The following CKAP2L variants were observed in gnomAD, a reference collection of about 807,000 sequenced individuals.
CKAP2L encodes cytoskeleton-associated protein 2-like.
Under a neutral mutation model 65.7 loss-of-function variants are expected in CKAP2L, and 42 were observed. The observed-to-expected ratio is 0.64, with a 90% CI of 0.50 to 0.83. The LOEUF is 0.83. Ranked by LOEUF, CKAP2L falls within the 40% of genes least tolerant of loss-of-function variation. The pLI, the probability that CKAP2L is intolerant of heterozygous loss-of-function variation, is 0.00. For synonymous variants in CKAP2L, 325 were observed against 313.5 expected, an observed-to-expected ratio of 1.04 and a Z score of -0.39; for missense variants, 908 against 871.0, an observed-to-expected ratio of 1.04 and a Z score of -0.53.
chr2:112,748,483 C>T (rs1170555993), intron 5 of CKAP2L, among the ~76,000 whole-genome samples: 2 of 152,140 alleles, frequency 1.3e-5, no homozygotes, highest in African/African-American at 4.8e-5. Flanking sequence ...CACAAGAATA[C>T]AGACTCAAAA....
intron 1 of CKAP2L, 65 bp downstream of exon 1, chr2:112,764,497 T>C (rs1680839059): frequency 1.3e-6 from 2 of 1,554,906 alleles, no homozygotes; most frequent in East Asian, 4.5e-5. Flanking sequence ...ACTCACTCGG[T>C]GGCCTCCTAC....
intron 4 of CKAP2L, among the ~76,000 whole-genome samples, chr2:112,753,807 C>T (rs976422011): frequency 2.0e-5 from 3 of 152,150 alleles, no homozygotes; most frequent in Non-Finnish European, 2.9e-5. Context: ...GGATTACAGG[C>T]GTGAACCATT....
rs1298095499 is a variant in CKAP2L, at chr2:112,756,534, G to C, written c.837C>G (p.Pro279=). 3 of 1,609,226 alleles carry C rather than the reference G, an allele frequency of 1.9e-6. No homozygotes were observed. In the Admixed American group the frequency reaches 5.1e-5, roughly 27 times the overall value. ...TACTAAGGGTCCGAATAAAGTGAGA[G>C]GGAACCGTCCTTGAGGGTTTTACTC... ...RPGVKPSRTV[P]SHFIRTLSKV... is the part of the protein sequence containing the mutation. Residue 279 remains proline (P), a synonymous_variant, in exon 4 of 9, where the codon CCC becomes CCG. Coordinates refer to ENST00000302450, the MANE Select transcript of CKAP2L (RefSeq NM_152515.5).
intron 5 of CKAP2L, among the ~76,000 whole-genome samples, chr2:112,750,548 A>T (rs1253780133): frequency 6.6e-6 from 1 of 152,098 alleles, no homozygotes; most frequent in African/African-American, 2.4e-5. Context: ...TGATCCTACA[A>T]CTTCACTCCC....
intron 5 of CKAP2L, among the ~76,000 whole-genome samples, chr2:112,749,980 A>G (rs935056930): frequency 1.3e-5 from 2 of 152,058 alleles, no homozygotes; most frequent in African/African-American, 4.8e-5. Flanking sequence ...TCCCCCTCAG[A>G]GCCCACCTCC....
rs148836584 is a variant in CKAP2L, at chr2:112,755,980, C to T, written c.1391G>A (p.Arg464Gln). 33 of 1,562,058 alleles carry T rather than the reference C, an allele frequency of 2.1e-5. No individual in the cohort carries two copies. Among genetic ancestry groups the T allele is most frequent in the African/African-American group, 1.9e-4 (14 of 72,588 alleles). The change falls in exon 4 of 9, where the codon CGA becomes CAA. Residue 464 changes from arginine to glutamine, a missense_variant. By Grantham distance (43) the Arg-to-Gln change is conservative. Coordinates refer to ENST00000302450, the MANE Select transcript of CKAP2L (RefSeq NM_152515.5). ...GCTTAGAATTAAAGCAAAGTACCTTCGATCCTCTGCTGTTGCCTTCTTTTT... is the reference window on the plus strand; with the variant it reads ...GCTTAGAATTAAAGCAAAGTACCTTTGATCCTCTGCTGTTGCCTTCTTTTT... ...NIKKKATAED[R>Q]RKQLEEWQKS...
chr2:112,746,798 T>A (rs373879822), intron 5 of CKAP2L, among the ~76,000 whole-genome samples: 15 of 152,142 alleles, frequency 9.9e-5, no homozygotes, highest in South Asian at 2.1e-4. Flanking sequence ...AATTATTATT[T>A]TTTTTTTGAG....
intron 5 of CKAP2L, among the ~76,000 whole-genome samples, chr2:112,748,033 G>C (rs537559993): frequency 6.6e-6 from 1 of 152,102 alleles, no homozygotes; most frequent in African/African-American, 2.4e-5. Flanking sequence ...GAAGTGAACA[G>C]TATGAAAACA....
At chr2:112,753,278 G>A (rs554000264) in intron 4 of CKAP2L, among the ~76,000 whole-genome samples, 5 of 152,190 alleles carry the variant, frequency 3.3e-5, no homozygotes, top group South Asian at 2.1e-4. Context: ...ATTTAATACT[G>A]TCACAAACAA....
rs932025177 is a variant in CKAP2L, at chr2:112,739,124, CAAT to C, written c.2013-79_2013-77del. The C allele has an allele frequency of 8.7e-6, 10 of 1,150,142 alleles. No homozygotes were observed. In the African/African-American group the frequency reaches 1.1e-4, roughly 13 times the overall value. 71.2% of individuals were successfully genotyped at this position (1,150,142 alleles called of 1,614,324 possible). On this transcript the variant is annotated intron_variant, in intron 8 of 8. Transcript: ENST00000302450. ...TCTTTATTATTTTTTGTTTCTTATT[CAAT>C]AATAAAACAGGGAAGACATTTTAAC... is the stretch of plus-strand genomic sequence containing the variant.
chr2:112,760,599 T>G lies in CKAP2L; in HGVS notation c.156+114A>C, dbSNP rs1204405291. 24 of 582,172 alleles carry G rather than the reference T, an allele frequency of 4.1e-5. No individual in the cohort carries two copies. In the East Asian group the frequency reaches 7.1e-4, roughly 17 times the overall value. 36.1% of individuals were successfully genotyped at this position (582,172 alleles called of 1,614,324 possible). ...CTTATTAAACCAAACTGTTTTTATATCTGTAAGAAATACCTTTCAAATACA... is the reference window on the plus strand; with the variant it reads ...CTTATTAAACCAAACTGTTTTTATAGCTGTAAGAAATACCTTTCAAATACA... On this transcript the variant is annotated intron_variant, in intron 3 of 8. Transcript: ENST00000302450.
Position 112,742,725 on chromosome 2 carries a change from G to A in CKAP2L, c.1803C>T (p.Asp601=). The change falls in exon 7 of 9, where the codon GAC becomes GAT. Residue 601 remains aspartate, a synonymous_variant. Transcript: ENST00000302450. ...TAGTACCTTCTGTGGTTCTGTTTGA[G>A]TCTTGCAAGATATTAAGAACAACTT... ...LRKVVLNILQ[D]SNRTTEGITS... 2.5e-6 allele frequency: 4 copies of A among 1,606,194 alleles called. No homozygotes were observed. The highest frequency in any genetic ancestry group is 2.6e-6 in the Non-Finnish European group (3 of 1,174,380).
At chr2:112,755,143 T>G (rs1395574086) in intron 4 of CKAP2L, among the ~76,000 whole-genome samples, 2 of 152,182 alleles carry the variant, frequency 1.3e-5, no homozygotes, top group African/African-American at 2.4e-5. Context: ...TTCCTTATTT[T>G]CTACTTCAAG....
chr2:112,740,682 A>C (rs1332736676), intron 8 of CKAP2L, 136 bp downstream of exon 8: 3 of 685,374 alleles, frequency 4.4e-6, no homozygotes, highest in Non-Finnish European at 7.7e-6. Context: ...AATGCATTCT[A>C]ATACCCCTCC....
intron 6 of CKAP2L, among the ~76,000 whole-genome samples, chr2:112,744,806 C>T (rs1410010973): frequency 1.3e-5 from 2 of 152,146 alleles, no homozygotes; most frequent in Non-Finnish European, 2.9e-5. Context: ...TGTGTTGAAG[C>T]CCCATCCATG....
intron 4 of CKAP2L, 149 bp from the exon 5 acceptor site, chr2:112,752,623 T>C (rs1416132217): frequency 6.4e-6 from 4 of 627,274 alleles, no homozygotes; most frequent in African/African-American, 3.7e-5. Context: ...AATTTACAAA[T>C]GGGTAATGGC....
chr2:112,762,405 G>C, intron 2 of CKAP2L, 98 bp downstream of exon 2: 1 of 888,936 alleles, frequency 1.1e-6, no homozygotes, highest in Admixed American at 1.9e-5. Context: ...TGCAGTCTGA[G>C]TAGACTCTAA....
At chr2:112,758,669 G>A (rs545379249) in intron 3 of CKAP2L, among the ~76,000 whole-genome samples, 2 of 152,238 alleles carry the variant, frequency 1.3e-5, no homozygotes, top group South Asian at 4.2e-4. Context: ...AGAGGTGGAG[G>A]GACGTTGGCA....
At chr2:112,762,250 G>T (rs1680744619) in intron 2 of CKAP2L, among the ~76,000 whole-genome samples, 1 of 152,204 alleles carries the variant, frequency 6.6e-6, no homozygotes, top group Non-Finnish European at 1.5e-5. Context: ...CAGCATGGTA[G>T]GTAATACTGA....
Sources: gnomAD v4.1 joint callset for allele counts (sites outside exome capture counted in the v4.1 genomes callset) on GRCh38, gnomAD v4.1.1 for gene constraint, MANE v1.5 for transcripts, NCBI Gene and HGNC (gene_info 2026-07-23, HGNC 2026-07-21) for gene names.